Variants in IRS2 observed in about 807,000 individuals in gnomAD.
IRS2 encodes insulin receptor substrate 2.
IRS2 carries 28 observed loss-of-function variants against 70.9 expected under a neutral mutation model. The observed-to-expected ratio is 0.39, with a 90% CI of 0.29 to 0.54. The LOEUF (loss-of-function observed/expected upper bound fraction) is 0.54. IRS2 is among the 20% of genes least tolerant of loss of function. The probability of loss-of-function intolerance (pLI) is 0.59; values close to 1 mark genes in which losing one functional copy is unlikely to be tolerated. For missense variants in IRS2, 2,081 were observed against 2,024.1 expected (o/e 1.03, Z -0.54); for synonymous variants, 1,217 against 981.9 (o/e 1.24, Z -4.48).
At chr13:109,771,592 G>C (rs1158110082) in intron 1 of IRS2, among the ~76,000 whole-genome samples, 1 of 152,184 alleles carries the variant, frequency 6.6e-6, no homozygotes, top group Admixed American at 6.5e-5. Context: ...GTAGCTTATG[G>C]ATTTGTTTTC....
In IRS2 at chr13:109,782,262, C is replaced by A. The variant is rs757201689; in HGVS notation, c.3792G>T (p.Leu1264=). ...GCGGCGGCGGCTGCGGCTGGGGTGG[C>A]AGCCCGGGCTCCTCCCTCACGTCGA... ...IAIDVREEPG[L]PPQPQPPPPP... is the part of the protein sequence containing the mutation. Residue 1264 remains leucine (L), a synonymous_variant, in exon 1 of 2, where the codon CTG becomes CTT. Transcript: ENST00000375856. 1 of 1,607,106 alleles carries A rather than the reference C, an allele frequency of 6.2e-7. No individual in the cohort carries two copies. The highest frequency in any genetic ancestry group is 1.7e-5 in the Admixed American group (1 of 59,532).
Position 109,782,977 on chromosome 13 carries a change from G to A in IRS2, c.3077C>T (p.Ser1026Leu), listed in dbSNP as rs1211275740. ...PLPPRPSASP[S>L]SSLQPPPPPP... ...CGGTGGCGGCGGCTGCAGAGACGAC[G>A]ACGGGGACGCGGACGGACGCGGGGG... is the stretch of plus-strand genomic sequence containing the variant. The change falls in exon 1 of 2, where the codon TCG becomes TTG. Residue 1026 changes from serine to leucine, a missense_variant. Around this residue, in one of 4 missense-constraint regions of IRS2, gnomAD observed 1,615 missense variants for 1,459.5 expected, o/e 1.11. Transcript: ENST00000375856. The A allele has an allele frequency of 5.7e-6, 8 of 1,404,370 alleles. No individual in the cohort carries two copies. The Admixed American group carries it at 2.4e-4, about 43-fold the overall frequency. 87.0% of individuals were successfully genotyped at this position (1,404,370 alleles called of 1,614,324 possible).
chr13:109,785,794 C>A lies in IRS2; in HGVS notation c.260G>T (p.Gly87Val). ...GAGAGCGATCACCCGTTTCGGCGCG[C>A]CTGCCTTGCTCCGCCACTTTTTCTC... ...ESEKKWRSKA[G>V]APKRVIALDC... Residue 87 changes from glycine to valine, a missense_variant, in exon 1 of 2, where the codon GGC becomes GTC. Gly to Val is a moderately radical substitution (Grantham distance 109). Transcript: ENST00000375856. This position sits in a 1 kb window ranked among gnomAD's most constrained non-coding sequence, Gnocchi z 9.3. 1 of 1,579,032 alleles carries A rather than the reference C, an allele frequency of 6.3e-7. No homozygotes were observed. Among genetic ancestry groups the A allele is most frequent in the Non-Finnish European group, 8.5e-7 (1 of 1,170,110 alleles).
chr13:109,770,169 C>T (rs571728305), intron 1 of IRS2, among the ~76,000 whole-genome samples: 1 of 152,262 alleles, frequency 6.6e-6, no homozygotes, highest in African/African-American at 2.4e-5. Context: ...CCCTTTGAGC[C>T]GGTGGGGGCT....
chr13:109,772,528 T>C (rs1018893847), intron 1 of IRS2, among the ~76,000 whole-genome samples: 9 of 152,076 alleles, frequency 5.9e-5, no homozygotes, highest in African/African-American at 2.2e-4. Flanking sequence ...TCCAGCCAGG[T>C]CTCCAATCTC....
At position 109,752,841 on chromosome 13, in the gene IRS2, C is replaced by G. The variant is rs1877014104; in HGVS notation, c.*3463G>C. The G allele has an allele frequency of 6.6e-6, 1 of 151,988 alleles. No individual in the cohort carries two copies. The highest frequency in any genetic ancestry group is 1.5e-5 in the Non-Finnish European group (1 of 68,000). 9.4% of individuals were successfully genotyped at this position (151,988 alleles called of 1,614,324 possible). A position where few individuals can be genotyped will look rare whatever the true frequency, so the allele number is the denominator to read the frequency against. ...GATAAAAATTCACAGCATCAATTTT[C>G]TATTTTCTGCTTCCTGAATTGCATT... On this transcript the variant is annotated 3_prime_UTR_variant, in exon 2 of 2. Coordinates refer to ENST00000375856, the MANE Select transcript of IRS2 (RefSeq NM_003749.3).
chr13:109,759,638 G>A (rs949870787), intron 1 of IRS2, among the ~76,000 whole-genome samples: 1 of 152,140 alleles, frequency 6.6e-6, no homozygotes, highest in African/African-American at 2.4e-5. Context: ...GAAGCCATCT[G>A]CCTGAACTGA....
chr13:109,775,753 AACACACACACACACACACACAC>A (rs71127906), intron 1 of IRS2, among the ~76,000 whole-genome samples: 5 of 140,462 alleles, frequency 3.6e-5, no homozygotes, highest in African/African-American at 8.1e-5. Flanking sequence ...ATATTATGGA[AACACACACACACACACACACAC>A]ACACACACAC....
intron 1 of IRS2, among the ~76,000 whole-genome samples, chr13:109,776,259 C>T (rs1284829079): frequency 6.6e-6 from 1 of 152,082 alleles, no homozygotes; most frequent in Non-Finnish European, 1.5e-5. Context: ...TTCCAAATTT[C>T]AGTAAAAACA....
rs1351564379 is a variant in IRS2, at chr13:109,753,721, G to A, written c.*2583C>T. ...CAGAATAAAAGTTTTAAAATTAAAAGGGGTATCCAAGTATTTTTAGGAGCC... is the reference window on the plus strand; with the variant it reads ...CAGAATAAAAGTTTTAAAATTAAAAAGGGTATCCAAGTATTTTTAGGAGCC... On this transcript the variant is annotated 3_prime_UTR_variant, in exon 2 of 2. Transcript: ENST00000375856. 1 of 188,904 alleles carries A rather than the reference G, an allele frequency of 5.3e-6. No homozygotes were observed. The highest frequency in any genetic ancestry group is 1.1e-5 in the Non-Finnish European group (1 of 89,678). The allele number at this position is 188,904 out of a possible 1,614,324, so 11.7% of individuals were successfully genotyped here.
At position 109,786,540 on chromosome 13, in the gene IRS2, C is replaced by T; in HGVS notation, c.-487G>A. 1 of 154,520 alleles carries T rather than the reference C, an allele frequency of 6.5e-6. No homozygotes were observed. Among genetic ancestry groups the T allele is most frequent in the Non-Finnish European group, 1.4e-5 (1 of 70,164 alleles). 9.6% of individuals were successfully genotyped at this position (154,520 alleles called of 1,614,324 possible). A position where few individuals can be genotyped will look rare whatever the true frequency, so the allele number is the denominator to read the frequency against. On this transcript the variant is annotated 5_prime_UTR_variant, in exon 1 of 2. Transcript: ENST00000375856. This position sits in a 1 kb window ranked among gnomAD's most constrained non-coding sequence, Gnocchi z 4.4. Reference sequence around the variant, plus strand: ...CTGGTGTTGCTGCTGCTGCTGCCAACGGCGACCCGGGCTCGTCGCGGTCCC... The same window carrying T: ...CTGGTGTTGCTGCTGCTGCTGCCAATGGCGACCCGGGCTCGTCGCGGTCCC...
chr13:109,782,033 C>G lies in IRS2; in HGVS notation c.4012+9G>C. On this transcript the variant is annotated intron_variant, in intron 1 of 1. Coordinates refer to ENST00000375856, the MANE Select transcript of IRS2 (RefSeq NM_003749.3). The stretch of plus-strand genomic sequence containing the variant: ...TCCCGCCAGACGCCAAGGCAAAGGG[C>G]CTCCTCACCTTTCACGATGGTGGCC... 1 of 1,612,026 alleles carries G rather than the reference C, an allele frequency of 6.2e-7. No individual in the cohort carries two copies. The highest frequency in any genetic ancestry group is 1.3e-5 in the African/African-American group (1 of 75,046).
At position 109,782,545 on chromosome 13, in the gene IRS2, T is replaced by C. The variant is rs920730253; in HGVS notation, c.3509A>G (p.Lys1170Arg). Reference sequence around the variant, plus strand: ...TTCCACGGAGGCCGAGTTGTGGCGCTTGGGGTTGTGGGCGAAGGACGGGGA... The same window carrying C: ...TTCCACGGAGGCCGAGTTGTGGCGCCTGGGGTTGTGGGCGAAGGACGGGGA... ...PVSPSFAHNP[K>R]RHNSASVENV... is the part of the protein sequence containing the mutation. Residue 1170 changes from lysine (K) to arginine (R), a missense_variant, in exon 1 of 2, where the codon AAG (lysine) becomes AGG (arginine). Coordinates refer to ENST00000375856, the MANE Select transcript of IRS2 (RefSeq NM_003749.3). The C allele has an allele frequency of 3.2e-6, 5 of 1,561,100 alleles. No individual in the cohort carries two copies. The highest frequency in any genetic ancestry group is 1.2e-5 in the South Asian group (1 of 85,424).
At position 109,755,964 on chromosome 13, in the gene IRS2, A is replaced by G; in HGVS notation, c.*340T>C. 1 of 394,526 alleles carries G rather than the reference A, an allele frequency of 2.5e-6. No individual in the cohort carries two copies. The highest frequency in any genetic ancestry group is 4.7e-6 in the Non-Finnish European group (1 of 214,186). 24.4% of individuals were successfully genotyped at this position (394,526 alleles called of 1,614,324 possible). A position where few individuals can be genotyped will look rare whatever the true frequency, so the allele number is the denominator to read the frequency against. ...TTATATCTGCTTTGCCAAAAGGAAAAGAAGAAGAAATTAAAAGACACTGGC... is the reference window on the plus strand; with the variant it reads ...TTATATCTGCTTTGCCAAAAGGAAAGGAAGAAGAAATTAAAAGACACTGGC... On this transcript the variant is annotated 3_prime_UTR_variant, in exon 2 of 2. Coordinates refer to ENST00000375856, the MANE Select transcript of IRS2 (RefSeq NM_003749.3).
intron 1 of IRS2, among the ~76,000 whole-genome samples, chr13:109,769,440 C>T (rs1015548133): frequency 2.6e-5 from 4 of 152,184 alleles, no homozygotes; most frequent in African/African-American, 9.7e-5. Context: ...ACACTGGCCT[C>T]CTTCCTGTTC....
rs1877871263 is a variant in IRS2 at position 109,784,978 on chromosome 13, C to G, written c.1076G>C (p.Cys359Ser). Residue 359 changes from cysteine (C) to serine (S), a missense_variant, in exon 1 of 2, where the codon TGC becomes TCC. Cys to Ser is a moderately radical substitution (Grantham distance 112, BLOSUM62 -1). Coordinates refer to ENST00000375856, the MANE Select transcript of IRS2 (RefSeq NM_003749.3). This position sits in a 1 kb window ranked among gnomAD's most constrained non-coding sequence, Gnocchi z 5.2. The part of the protein sequence containing the change: ...ATPPAAKCSS[C>S]RVRTASEGDG... ...GCCCTCGCTGGCGGTGCGCACCCGG[C>G]ACGAGCTGCACTTGGCCGCCGGCGG... 2 of 1,284,610 alleles carry G rather than the reference C, an allele frequency of 1.6e-6. No individual in the cohort carries two copies. Among genetic ancestry groups the G allele is most frequent in the Middle Eastern group, 3.0e-4 (1 of 3,346 alleles). The allele number at this position is 1,284,610 out of a possible 1,614,324, so 79.6% of individuals were successfully genotyped here.
chr13:109,786,197 G>A lies in IRS2; in HGVS notation c.-144C>T. ...ACGCGTCCCTCGGGCCCAGGCGGTG[G>A]GGAAGGTCCGGGGAGGCCCGCGGGG... is the stretch of plus-strand genomic sequence containing the variant. On this transcript the variant is annotated 5_prime_UTR_variant, in exon 1 of 2. Transcript: ENST00000375856. The surrounding 1 kb of genome is among the most constrained non-coding windows in gnomAD (Gnocchi z 4.4). The A allele has an allele frequency of 3.0e-6, 1 of 337,326 alleles. No individual in the cohort carries two copies. Among genetic ancestry groups the A allele is most frequent in the Non-Finnish European group, 4.2e-6 (1 of 240,174 alleles). The allele number at this position is 337,326 out of a possible 1,614,324, so 20.9% of individuals were successfully genotyped here.
intron 1 of IRS2, among the ~76,000 whole-genome samples, chr13:109,770,064 G>A (rs1877418716): frequency 6.6e-6 from 1 of 152,178 alleles, no homozygotes; most frequent in Admixed American, 6.5e-5. Flanking sequence ...CCTCACGGGT[G>A]GGTGACTTGG....
intron 1 of IRS2, among the ~76,000 whole-genome samples, chr13:109,776,704 G>T (rs944808972): frequency 2.6e-5 from 4 of 152,188 alleles, no homozygotes; most frequent in Admixed American, 1.3e-4. Flanking sequence ...TATCTTGAAA[G>T]AAATTGAAAT....
Sources: allele counts gnomAD v4.1 joint callset (sites outside exome capture counted in the v4.1 genomes callset), GRCh38; gene constraint gnomAD v4.1.1; regional missense constraint gnomAD v4.1.1; non-coding constraint Gnocchi (gnomAD v3.1); transcripts MANE v1.5; gene names NCBI Gene and HGNC (gene_info 2026-07-23, HGNC 2026-07-21).